Variants in BMPR1B observed in about 807,000 individuals in gnomAD.
BMPR1B encodes the protein bone morphogenetic protein receptor type 1B.
A neutral mutation model predicts 59.1 loss-of-function variants in BMPR1B; 12 were observed. The observed-to-expected ratio is 0.20, with a 90% confidence interval of 0.13 to 0.33. BMPR1B has a LOEUF of 0.33. Among genes scored for constraint, BMPR1B ranks in the 10% least tolerant of loss-of-function variants. BMPR1B has a pLI of 1.00. For synonymous variants in BMPR1B, 237 were observed against 207.3 expected (o/e 1.14, Z -1.23); for missense variants, 550 against 610.9 (o/e 0.90, Z 1.05).
intron 1 of BMPR1B, among the ~76,000 whole-genome samples, chr4:94,821,714 A>G (rs61150430): frequency 0.02 from 3,022 of 152,274 alleles, 120 homozygotes; most frequent in African/African-American, 0.068. Context: ...GTTAAATTCG[A>G]TGGATTTAAT....
chr4:94,944,058 A>T (rs923176687), intron 2 of BMPR1B, among the ~76,000 whole-genome samples: 2 of 152,178 alleles, frequency 1.3e-5, no homozygotes, highest in African/African-American at 4.8e-5. Context: ...GCACAAAATT[A>T]TTTAAAATAT....
chr4:94,773,187 A>G (rs950923613), intron 1 of BMPR1B, among the ~76,000 whole-genome samples: 7 of 152,170 alleles, frequency 4.6e-5, no homozygotes, highest in African/African-American at 1.7e-4. Context: ...AGGAAAGGTC[A>G]TAATCTAGAA....
chr4:94,941,963 G>A (rs1307905126), intron 2 of BMPR1B, among the ~76,000 whole-genome samples: 4 of 152,270 alleles, frequency 2.6e-5, no homozygotes, highest in Non-Finnish European at 4.4e-5. Context: ...TACCTTGTAT[G>A]GTGACTATTT....
chr4:95,051,625 G>T lies in BMPR1B; in HGVS notation c.-17-52783G>T, dbSNP rs561432540. On this transcript the variant is annotated intron_variant, in intron 3 of 12. Coordinates refer to ENST00000515059, the MANE Select transcript of BMPR1B (RefSeq NM_001203.3). ...ATCTGACAAGAGTGGCAGCAGAGGC[G>T]TCTCAGTGAAAGACGGAAAGGCAAG... The T allele has an allele frequency of 8.7e-6, 12 of 1,373,348 alleles. No individual in the cohort carries two copies. The Admixed American group carries it at 1.8e-4, about 20-fold the overall frequency. 85.1% of individuals were successfully genotyped at this position (1,373,348 alleles called of 1,614,324 possible).
chr4:95,031,714 A>G (rs1160695), intron 3 of BMPR1B, among the ~76,000 whole-genome samples: 145,206 of 152,154 alleles, frequency 0.95, 69,321 homozygotes, highest in Middle Eastern at 0.99. Context: ...ACCAGTATGG[A>G]TTATGGTATC....
At chr4:94,967,763 A>G (rs923576755) in intron 2 of BMPR1B, among the ~76,000 whole-genome samples, 2 of 152,180 alleles carry the variant, frequency 1.3e-5, no homozygotes, top group Non-Finnish European at 2.9e-5. Flanking sequence ...AATTACAGGC[A>G]TGAGCCACTG....
At chr4:95,047,362 A>G (rs937849469) in intron 3 of BMPR1B, among the ~76,000 whole-genome samples, 2 of 152,002 alleles carry the variant, frequency 1.3e-5, no homozygotes, top group Non-Finnish European at 2.9e-5. Context: ...CTTTTTTTAC[A>G]CTTTCCTTGA....
chr4:94,941,603 G>A (rs1159454642), intron 2 of BMPR1B, among the ~76,000 whole-genome samples: 1 of 152,076 alleles, frequency 6.6e-6, no homozygotes, highest in African/African-American at 2.4e-5. Context: ...AGGTTAGCAG[G>A]TGGTGTTGGC....
At chr4:95,039,045 G>A (rs1021422579) in intron 3 of BMPR1B, among the ~76,000 whole-genome samples, 1 of 152,180 alleles carries the variant, frequency 6.6e-6, no homozygotes, top group South Asian at 2.1e-4. Flanking sequence ...GTAATAAGAT[G>A]TGTAGAACAA....
At chr4:94,959,493 A>T (rs1730275265) in intron 2 of BMPR1B, among the ~76,000 whole-genome samples, 1 of 152,198 alleles carries the variant, frequency 6.6e-6, no homozygotes. Flanking sequence ...CATTTTGCAG[A>T]GATTCCTCAA....
At chr4:95,136,873 A>G (rs904447514) in intron 10 of BMPR1B, among the ~76,000 whole-genome samples, 1 of 151,978 alleles carries the variant, frequency 6.6e-6, no homozygotes, top group Non-Finnish European at 1.5e-5. Flanking sequence ...TCCTGGATTC[A>G]TTGATTTTTT....
chr4:95,138,887 C>T (rs556050535), intron 10 of BMPR1B, among the ~76,000 whole-genome samples: 16 of 152,058 alleles, frequency 1.1e-4, no homozygotes, highest in South Asian at 4.1e-4. Context: ...TTGTTAATGC[C>T]GATTGTCTGA....
intron 1 of BMPR1B, among the ~76,000 whole-genome samples, chr4:94,771,312 G>A (rs953392725): frequency 6.6e-6 from 1 of 152,138 alleles, no homozygotes; most frequent in Non-Finnish European, 1.5e-5. Flanking sequence ...AGGACCCTCA[G>A]CTTCTAAATC....
intron 3 of BMPR1B, among the ~76,000 whole-genome samples, chr4:95,061,457 A>C (rs189495726): frequency 3.3e-5 from 5 of 152,150 alleles, no homozygotes; most frequent in African/African-American, 4.8e-5. Flanking sequence ...TGTGTGTGGG[A>C]TGATGGAGCT....
chr4:95,087,544 A>C (rs1434113561), intron 3 of BMPR1B, among the ~76,000 whole-genome samples: 1 of 152,114 alleles, frequency 6.6e-6, no homozygotes, highest in East Asian at 1.9e-4. Flanking sequence ...CTGCCTGGAC[A>C]ACATGGCGAA....
chr4:95,050,491 G>A (rs556228155), intron 3 of BMPR1B, among the ~76,000 whole-genome samples: 2 of 152,222 alleles, frequency 1.3e-5, no homozygotes, highest in African/African-American at 4.8e-5. Context: ...ACATTGTTGG[G>A]TTTCCTAAGC....
At chr4:94,787,030 T>A (rs1433429235) in intron 1 of BMPR1B, among the ~76,000 whole-genome samples, 1 of 152,148 alleles carries the variant, frequency 6.6e-6, no homozygotes, top group African/African-American at 2.4e-5. Flanking sequence ...TTTTTTGTTT[T>A]ACCAGGGCGA....
At position 95,155,167 on chromosome 4, in the gene BMPR1B, TAG is replaced by T; in HGVS notation, c.*496_*497del. ...AAAAGACAGTCTAAGTTGGAGGACA[TAG>T]AACGGAACTCATCTTAAACATACTC... On this transcript the variant is annotated 3_prime_UTR_variant, in exon 13 of 13. Coordinates refer to ENST00000515059, the MANE Select transcript of BMPR1B (RefSeq NM_001203.3). 1 of 171,504 alleles carries T rather than the reference TAG, an allele frequency of 5.8e-6. No individual in the cohort carries two copies. The highest frequency in any genetic ancestry group is 1.4e-4 in the South Asian group (1 of 7,004). The allele number at this position is 171,504 out of a possible 1,614,324, so 10.6% of individuals were successfully genotyped here.
At chr4:94,922,234 C>T (rs1728716889) in intron 2 of BMPR1B, among the ~76,000 whole-genome samples, 1 of 152,110 alleles carries the variant, frequency 6.6e-6, no homozygotes, top group African/African-American at 2.4e-5. Context: ...CTTGGCCTCC[C>T]AAAATGCTGG....
Sources: allele counts gnomAD v4.1 joint callset (sites outside exome capture counted in the v4.1 genomes callset), GRCh38; gene constraint gnomAD v4.1.1; transcripts MANE v1.5; gene names NCBI Gene and HGNC (gene_info 2026-07-23, HGNC 2026-07-21).